Variants in TCERG1 observed in about 807,000 individuals in gnomAD.
The protein encoded by TCERG1 is transcription elongation regulator 1.
A neutral mutation model predicts 144.7 loss-of-function variants in TCERG1; 37 were observed. The ratio of observed to expected loss-of-function variants is 0.26; its 90% confidence interval spans 0.20 to 0.34. The LOEUF is 0.34. Ranked by LOEUF, TCERG1 falls within the 10% of genes least tolerant of loss-of-function variation. TCERG1 has a pLI of 1.00. For synonymous variants in TCERG1, 492 were observed against 458.2 expected (o/e 1.07, Z -0.94); for missense variants, 1,027 against 1,380.7 (o/e 0.74, Z 4.06).
At chr5:146,461,142 C>T (rs1345046013) in intron 4 of TCERG1, among the ~76,000 whole-genome samples, 1 of 152,074 alleles carries the variant, frequency 6.6e-6, no homozygotes, top group African/African-American at 2.4e-5. Context: ...TGTCAGTAAG[C>T]TCATAGCTGT....
intron 9 of TCERG1, among the ~76,000 whole-genome samples, chr5:146,474,612 G>T (rs926712020): frequency 1.3e-5 from 2 of 152,066 alleles, no homozygotes; most frequent in African/African-American, 4.8e-5. Context: ...GGAGTCAATT[G>T]ATATAGAAAA....
rs1763513618 is a variant in TCERG1, at chr5:146,463,465, A to C, written c.893-86A>C. On this transcript the variant is annotated intron_variant, in intron 4 of 22. Transcript: ENST00000679501. ...GCATAGAATGGTCCCTTAAATACTTAAATTACTGAATGTGTAAATGATGAA... is the reference window on the plus strand; with the variant it reads ...GCATAGAATGGTCCCTTAAATACTTCAATTACTGAATGTGTAAATGATGAA... 1.9e-6 allele frequency: 3 copies of C among 1,572,514 alleles called. No individual in the cohort carries two copies. The South Asian group carries it at 3.6e-5, about 19-fold the overall frequency.
intron 15 of TCERG1, among the ~76,000 whole-genome samples, chr5:146,492,364 A>G (rs1054007693): frequency 1.3e-5 from 2 of 151,924 alleles, no homozygotes; most frequent in African/African-American, 4.8e-5. Context: ...TTTTTTCTCA[A>G]TCATTGTTGG....
chr5:146,466,498 T>C (rs1266226692), intron 5 of TCERG1, among the ~76,000 whole-genome samples: 1 of 152,182 alleles, frequency 6.6e-6, no homozygotes, highest in Admixed American at 6.5e-5. Context: ...AACTTAACTG[T>C]CTGTGACATT....
chr5:146,457,023 T>G (rs1762886892), intron 2 of TCERG1, among the ~76,000 whole-genome samples, 160 bp from the exon 3 acceptor site: 1 of 152,244 alleles, frequency 6.6e-6, no homozygotes, highest in Non-Finnish European at 1.5e-5. Context: ...GTTTGTTTGG[T>G]AATTTTTGTT....
Position 146,459,323 on chromosome 5 carries a change from C to A in TCERG1, c.878C>A (p.Ala293Glu). The A allele has an allele frequency of 6.2e-7, 1 of 1,614,036 alleles. No homozygotes were observed. The highest frequency in any genetic ancestry group is 8.5e-7 in the Non-Finnish European group (1 of 1,179,928). Residue 293 changes from alanine (A) to glutamate (E), a missense_variant, in exon 4 of 23, where the codon GCG (alanine) becomes GAG (glutamate). Physicochemically the swap from Ala to Glu is moderately radical, Grantham distance 107. Coordinates refer to ENST00000679501, the MANE Select transcript of TCERG1 (RefSeq NM_001382548.1). Reference sequence around the variant, plus strand: ...ACCACAACAACTGCTACTTCAGTTGCGCAGACAGTATCAAGTGAGTACCAC... The same window carrying A: ...ACCACAACAACTGCTACTTCAGTTGAGCAGACAGTATCAAGTGAGTACCAC... ...TSTTTTATSV[A>E]QTVSTPTTQD...
At position 146,507,042 on chromosome 5, in the gene TCERG1, TG is replaced by T; in HGVS notation, c.2797del (p.Val933CysfsTer58). On this transcript the variant is annotated frameshift_variant, in exon 20 of 23. Transcript: ENST00000679501. LOFTEE classifies it high-confidence loss of function. The surrounding 1 kb of genome is among the most constrained non-coding windows in gnomAD (Gnocchi z 4.6). ...TTTCTCTTCAGGTACGTTCTTCAGA[TG>T]TGTCATGGTCTGATACTCGTAGGAC... ...LLSDMVRSSD[V>X]SWSDTRRTLR... 1 of 1,579,148 alleles carries T rather than the reference TG, an allele frequency of 6.3e-7. No individual in the cohort carries two copies. Among genetic ancestry groups the T allele is most frequent in the Non-Finnish European group, 8.6e-7 (1 of 1,169,162 alleles).
intron 18 of TCERG1, 139 bp downstream of exon 18, chr5:146,503,678 G>T: frequency 7.4e-7 from 1 of 1,356,496 alleles, no homozygotes; most frequent in Non-Finnish European, 1.0e-6. Context: ...GAGTCTAGTT[G>T]ATTTGGAGAT....
At chr5:146,497,034 A>AT (rs934068060) in intron 16 of TCERG1, among the ~76,000 whole-genome samples, 9 of 150,516 alleles carry the variant, frequency 6.0e-5, no homozygotes, top group African/African-American at 2.0e-4. Context: ...CTCCCAGCTA[A>AT]TTTTTTTTGT....
At position 146,452,202 on chromosome 5, in the gene TCERG1, A is replaced by C. The variant is rs1561627575; in HGVS notation, c.60-2854A>C. Among the ~76,000 whole-genome samples the C allele has an allele frequency of 2.0e-5, 3 of 152,200 alleles. No homozygotes were observed. The South Asian group carries it at 6.2e-4, about 32-fold the overall frequency. On this transcript the variant is annotated intron_variant, in intron 1 of 22. Coordinates refer to ENST00000679501, the MANE Select transcript of TCERG1 (RefSeq NM_001382548.1). ...TAAGCAGAGGGTTGAAAAATGTCAG[A>C]AAGTTGAAAGAGCCTGGTAACGAGA...
chr5:146,458,988 A>ACAGGTT lies in TCERG1; in HGVS notation c.548_553dup (p.Val183_Gln184dup), dbSNP rs768611051. ...TGACACCTATGCTTGCAGCCCAGGC[A>ACAGGTT]CAGGTTCAGGCTCAGGCCCAGGCGC... On this transcript the variant is annotated inframe_insertion, in exon 4 of 23. Transcript: ENST00000679501. 1.9e-6 allele frequency: 3 copies of ACAGGTT among 1,613,648 alleles called. No homozygotes were observed. The South Asian group carries it at 3.3e-5, about 18-fold the overall frequency.
intron 17 of TCERG1, among the ~76,000 whole-genome samples, chr5:146,502,167 A>C (rs1379883203): frequency 1.3e-5 from 2 of 152,196 alleles, no homozygotes; most frequent in Non-Finnish European, 2.9e-5. Flanking sequence ...AACTGCTGGG[A>C]TTACAGGCAT....
chr5:146,477,858 G>C lies in TCERG1; in HGVS notation c.1602-635G>C, dbSNP rs1764999547. Among the ~76,000 whole-genome samples the C allele has an allele frequency of 2.0e-5, 3 of 151,880 alleles. No individual in the cohort carries two copies. In the South Asian group the frequency reaches 6.2e-4, roughly 32 times the overall value. On this transcript the variant is annotated intron_variant, in intron 9 of 22. Coordinates refer to ENST00000679501, the MANE Select transcript of TCERG1 (RefSeq NM_001382548.1). Reference sequence around the variant, plus strand: ...CTACAAGCTCGTGCAATCACATCCAGCTAATTTTTTTAATTAATATTTTTT... The same window carrying C: ...CTACAAGCTCGTGCAATCACATCCACCTAATTTTTTTAATTAATATTTTTT...
intron 15 of TCERG1, among the ~76,000 whole-genome samples, chr5:146,492,425 G>A (rs1766516519): frequency 6.6e-6 from 1 of 152,102 alleles, no homozygotes. Context: ...GTGTGAAGTA[G>A]GTGGTAAATA....
At chr5:146,457,657 T>C (rs1287925627) in intron 3 of TCERG1, among the ~76,000 whole-genome samples, 2 of 152,268 alleles carry the variant, frequency 1.3e-5, no homozygotes, top group Admixed American at 1.3e-4. Flanking sequence ...CATCGAGCCA[T>C]TCTTATCAGT....
intron 9 of TCERG1, 49 bp from the exon 10 acceptor site, chr5:146,478,444 A>G: frequency 6.7e-7 from 1 of 1,498,460 alleles, no homozygotes; most frequent in Non-Finnish European, 8.9e-7. Flanking sequence ...TCCTAGCTGT[A>G]AAATATGTTC....
Position 146,483,750 on chromosome 5 carries a change from C to T in TCERG1, c.2163+121C>T, listed in dbSNP as rs930407846. ...ACAGCATTTCAAAAATATAGTCTTGCATCTTAGAACATATTATGTGTCTGT... is the reference window on the plus strand; with the variant it reads ...ACAGCATTTCAAAAATATAGTCTTGTATCTTAGAACATATTATGTGTCTGT... On this transcript the variant is annotated intron_variant, in intron 15 of 22. Transcript: ENST00000679501. The T allele has an allele frequency of 1.2e-5, 8 of 689,882 alleles. No homozygotes were observed. In the African/African-American group the frequency reaches 1.3e-4, roughly 11 times the overall value. 42.7% of individuals were successfully genotyped at this position (689,882 alleles called of 1,614,324 possible).
At chr5:146,488,250 A>C (rs1456273980) in intron 15 of TCERG1, among the ~76,000 whole-genome samples, 1 of 152,228 alleles carries the variant, frequency 6.6e-6, no homozygotes, top group Non-Finnish European at 1.5e-5. Flanking sequence ...ATGGGGTTAC[A>C]TCAAATTAAA....
At chr5:146,478,798 A>T in intron 10 of TCERG1, 145 bp downstream of exon 10, 1 of 778,618 alleles carries the variant, frequency 1.3e-6, no homozygotes, top group Non-Finnish European at 1.9e-6. Flanking sequence ...CCTAGTTTGA[A>T]TGAAATAATA....
Sources: gnomAD v4.1 joint callset for allele counts (sites outside exome capture counted in the v4.1 genomes callset) on GRCh38, gnomAD v4.1.1 for gene constraint, Gnocchi (gnomAD v3.1) non-coding constraint, MANE v1.5 for transcripts, NCBI Gene and HGNC (gene_info 2026-07-23, HGNC 2026-07-21) for gene names.